Variants in YES1 observed in about 807,000 individuals in gnomAD.
The protein encoded by YES1 is YES proto-oncogene 1, Src family tyrosine kinase, also known as tyrosine-protein kinase Yes.
Under a neutral mutation model 70.4 loss-of-function variants are expected in YES1, and 39 were observed. That is an observed-to-expected ratio of 0.55 (90% CI 0.43 to 0.72). The LOEUF (loss-of-function observed/expected upper bound fraction) is 0.72, where lower values mean the gene tolerates loss of function less well. Ranked by LOEUF, YES1 falls within the 30% of genes least tolerant of loss-of-function variation. The pLI is 0.00. For synonymous variants in YES1, 198 were observed against 218.6 expected, an observed-to-expected ratio of 0.91 and a Z score of 0.83; for missense variants, 495 against 644.8, an observed-to-expected ratio of 0.77 and a Z score of 2.52.
intron 6 of YES1, 112 bp downstream of exon 6, chr18:745,596 T>C (rs1368068286): frequency 1.0e-6 from 1 of 1,002,898 alleles, no homozygotes; most frequent in Non-Finnish European, 1.5e-6. Context: ...TTATTGGGCA[T>C]GTATTATGTG....
intron 1 of YES1, among the ~76,000 whole-genome samples, chr18:800,500 G>T (rs569899645): frequency 6.6e-4 from 100 of 152,158 alleles, no homozygotes; most frequent in African/African-American, 2.3e-3. Context: ...AGATATTGTG[G>T]GATAATAATG....
At chr18:773,262 T>C (rs551993444) in intron 1 of YES1, among the ~76,000 whole-genome samples, 5 of 152,234 alleles carry the variant, frequency 3.3e-5, no homozygotes, top group Non-Finnish European at 7.3e-5. Flanking sequence ...CACCTGCCAT[T>C]ACCAGAGGGA....
Position 745,923 on chromosome 18 carries a change from TATACTA to T in YES1, c.574+19_574+24del. The stretch of plus-strand genomic sequence containing the variant: ...ATACTGCCCCAAGAAATTTTATACT[TATACTA>T]ATATAACAATATTCATACCTTTAGT... On this transcript the variant is annotated intron_variant, in intron 5 of 11. Coordinates refer to ENST00000314574, the MANE Select transcript of YES1 (RefSeq NM_005433.4). The T allele has an allele frequency of 6.2e-7, 1 of 1,600,066 alleles. No individual in the cohort carries two copies. Among genetic ancestry groups the T allele is most frequent in the African/African-American group, 1.3e-5 (1 of 74,186 alleles).
chr18:783,619 T>C lies in YES1; in HGVS notation c.-8-26784A>G, dbSNP rs55997550. On this transcript the variant is annotated intron_variant, in intron 1 of 11. Coordinates refer to ENST00000314574, the MANE Select transcript of YES1 (RefSeq NM_005433.4). ...CTTCTACATGTATCAATTTTTCTCT[T>C]TTTTTTTTTTTTTTGAAACAGAGTT... is the stretch of plus-strand genomic sequence containing the variant. 2.5e-3 allele frequency among the ~76,000 whole-genome samples: 180 copies of C among 71,960 alleles called. 1 individual carries two copies. The highest frequency in any genetic ancestry group is 6.3e-3 in the South Asian group (13 of 2,064). The allele number at this position is 71,960 out of a possible 152,430, so 47.2% of individuals were successfully genotyped here.
chr18:739,980 T>C (rs1031573972), intron 8 of YES1, among the ~76,000 whole-genome samples, 169 bp from the exon 9 acceptor site: 10 of 152,098 alleles, frequency 6.6e-5, no homozygotes, highest in Non-Finnish European at 1.0e-4. Flanking sequence ...CTAGAAGAGG[T>C]CTCTAAGCTG....
intron 1 of YES1, among the ~76,000 whole-genome samples, chr18:809,320 G>T (rs76143907): frequency 6.6e-6 from 1 of 150,614 alleles, no homozygotes; most frequent in African/African-American, 2.4e-5. Flanking sequence ...TTTTTTTTTG[G>T]AGACAGTCTC....
At chr18:766,789 G>T (rs557341127) in intron 1 of YES1, among the ~76,000 whole-genome samples, 8 of 152,044 alleles carry the variant, frequency 5.3e-5, no homozygotes, top group African/African-American at 1.7e-4. Context: ...TAATTGGGCT[G>T]TCTTCTTTCT....
At chr18:809,701 G>A (rs1468844229) in intron 1 of YES1, among the ~76,000 whole-genome samples, 2 of 152,092 alleles carry the variant, frequency 1.3e-5, no homozygotes, top group Non-Finnish European at 2.9e-5. Flanking sequence ...GTGTTCGAAA[G>A]TCAGCCACCA....
intron 10 of YES1, chr18:735,928 T>C (rs935253998): frequency 2.0e-5 from 3 of 152,418 alleles, no homozygotes; most frequent in African/African-American, 7.2e-5. Flanking sequence ...TTTAGCACTT[T>C]GGGAAGCCAA....
intron 1 of YES1, among the ~76,000 whole-genome samples, chr18:805,443 C>T (rs1315123945): frequency 1.3e-5 from 2 of 152,200 alleles, no homozygotes; most frequent in Non-Finnish European, 2.9e-5. Flanking sequence ...TTAGGCAGAG[C>T]ATGACTATAT....
intron 1 of YES1, among the ~76,000 whole-genome samples, chr18:783,691 A>G (rs1184560278): frequency 6.6e-6 from 1 of 151,338 alleles, no homozygotes; most frequent in Non-Finnish European, 1.5e-5. Flanking sequence ...ATCTCAGCTC[A>G]ATGCAACCTT....
chr18:724,642 A>G lies in YES1; in HGVS notation c.1424-10T>C. 1 of 1,611,518 alleles carries G rather than the reference A, an allele frequency of 6.2e-7. No homozygotes were observed. The highest frequency in any genetic ancestry group is 8.5e-7 in the Non-Finnish European group (1 of 1,177,684). On this transcript the variant is annotated splice_polypyrimidine_tract_variant and intron_variant, in intron 11 of 11. Transcript: ENST00000314574. ...TCACGGTTCACCATACCTAATACAC[A>G]AGATTAAAACATTAAAGAACAATGG...
intron 1 of YES1, among the ~76,000 whole-genome samples, chr18:775,768 GC>G (rs1301636705): frequency 7.9e-5 from 12 of 151,976 alleles, no homozygotes; most frequent in Non-Finnish European, 1.0e-4. Context: ...CTGCACTCCA[GC>G]CTGGGTGACA....
chr18:766,324 T>C (rs1421721773), intron 1 of YES1, among the ~76,000 whole-genome samples: 2 of 152,162 alleles, frequency 1.3e-5, no homozygotes, highest in Admixed American at 6.5e-5. Context: ...TTTCTTTCCA[T>C]AGATGTTATC....
chr18:757,278 C>G (rs192209586), intron 1 of YES1, among the ~76,000 whole-genome samples: 1 of 151,804 alleles, frequency 6.6e-6, no homozygotes, highest in East Asian at 1.9e-4. Context: ...CCAAGGCGGG[C>G]GGATCACGAG....
intron 1 of YES1, among the ~76,000 whole-genome samples, chr18:767,961 A>G (rs1904988752): frequency 6.6e-6 from 1 of 152,182 alleles, no homozygotes; most frequent in African/African-American, 2.4e-5. Context: ...TCGGCCTCCC[A>G]AAGTGATGGA....
chr18:780,171 G>C (rs1598930613), intron 1 of YES1, among the ~76,000 whole-genome samples: 2 of 152,260 alleles, frequency 1.3e-5, no homozygotes, highest in East Asian at 3.9e-4. Context: ...GTCACAGTTA[G>C]CCAAGATCAT....
intron 1 of YES1, among the ~76,000 whole-genome samples, chr18:811,581 C>CA (rs1189813017): frequency 2.0e-5 from 3 of 152,172 alleles, no homozygotes; most frequent in South Asian, 4.1e-4. Flanking sequence ...CAACCCAAAA[C>CA]AAAGGAAAAC....
rs770331390 is a variant in YES1 at position 739,733 on chromosome 18, A to C, written c.1137+2T>G. ...AATGGATACATGTATATATACAGAT[A>C]CCTGAGCAGCCATATCAACCAGCTG... On this transcript the variant is annotated splice_donor_variant, in intron 9 of 11. Coordinates refer to ENST00000314574, the MANE Select transcript of YES1 (RefSeq NM_005433.4). LOFTEE classifies it high-confidence loss of function. 1 of 1,609,032 alleles carries C rather than the reference A, an allele frequency of 6.2e-7. No individual in the cohort carries two copies. The highest frequency in any genetic ancestry group is 8.5e-7 in the Non-Finnish European group (1 of 1,177,138).
Sources: gnomAD v4.1 joint callset for allele counts (sites outside exome capture counted in the v4.1 genomes callset) on GRCh38, gnomAD v4.1.1 for gene constraint, MANE v1.5 for transcripts, NCBI Gene and HGNC (gene_info 2026-07-23, HGNC 2026-07-21) for gene names.